The following ATAD1 variants were observed in gnomAD, a reference collection of about 807,000 sequenced individuals.
ATAD1 encodes the protein outer mitochondrial transmembrane helix translocase.
ATAD1 carries 18 observed loss-of-function variants against 42.7 expected under a neutral mutation model. The ratio of observed to expected loss-of-function variants is 0.42; its 90% CI spans 0.29 to 0.63. ATAD1 has a LOEUF of 0.63. Among genes scored for constraint, ATAD1 ranks in the 20% least tolerant of loss-of-function variants. The probability of loss-of-function intolerance (pLI) is 0.19; values close to 1 mark genes in which losing one functional copy is unlikely to be tolerated. For synonymous variants in ATAD1, 132 were observed against 143.1 expected (o/e 0.92, Z 0.55); for missense variants, 294 against 440.4 (o/e 0.67, Z 2.98).
At chr10:87,836,833 C>T (rs1470606244) in intron 1 of ATAD1, among the ~76,000 whole-genome samples, 1 of 152,156 alleles carries the variant, frequency 6.6e-6, no homozygotes, top group African/African-American at 2.4e-5. Flanking sequence ...TTGGTGGTGT[C>T]CCACCAGTCC....
chr10:87,816,600 G>C (rs1214674795), intron 1 of ATAD1, among the ~76,000 whole-genome samples: 1 of 152,054 alleles, frequency 6.6e-6, no homozygotes, highest in Non-Finnish European at 1.5e-5. Flanking sequence ...CCAAAAAGGA[G>C]AAGGCACCTA....
intron 2 of ATAD1, among the ~76,000 whole-genome samples, chr10:87,800,199 C>G (rs1239860759): frequency 1.3e-5 from 2 of 151,842 alleles, no homozygotes; most frequent in Non-Finnish European, 2.9e-5. Flanking sequence ...TATATATACA[C>G]ACACACTAAA....
chr10:87,814,828 A>G, intron 1 of ATAD1: 1 of 298,764 alleles, frequency 3.3e-6, no homozygotes, highest in South Asian at 1.0e-4. Flanking sequence ...CTAGAAGTAG[A>G]CTAGAAATTA....
chr10:87,819,288 A>AAAAAG (rs1481326025), upstream of ATAD1: 1 of 150,662 alleles, frequency 6.6e-6, no homozygotes, highest in Non-Finnish European at 1.5e-5. Flanking sequence ...AAAAAAAAAA[A>AAAAAG]AAACCACCTA....
intron 1 of ATAD1, among the ~76,000 whole-genome samples, chr10:87,831,509 T>C (rs537794499): frequency 1.3e-5 from 2 of 152,306 alleles, no homozygotes; most frequent in Admixed American, 1.3e-4. Flanking sequence ...CAATTTAGGA[T>C]CAAACTATCT....
intron 1 of ATAD1, among the ~76,000 whole-genome samples, chr10:87,824,350 G>A (rs1400204383): frequency 1.3e-5 from 2 of 152,126 alleles, no homozygotes; most frequent in East Asian, 1.9e-4. Context: ...TAGTCCAATC[G>A]GGGAGTCTTG....
intron 7 of ATAD1, 73 bp downstream of exon 7, chr10:87,770,879 C>A: frequency 7.3e-7 from 1 of 1,369,090 alleles, no homozygotes; most frequent in South Asian, 1.3e-5. Context: ...ATATTCCCTT[C>A]TTAAAATTAA....
At chr10:87,765,522 G>A (rs11812787) in intron 8 of ATAD1, among the ~76,000 whole-genome samples, 44,847 of 150,080 alleles carry the variant, frequency 0.3, 6,936 homozygotes, top group Non-Finnish European at 0.32. Flanking sequence ...CAATAAAATC[G>A]GAAGACAACT....
chr10:87,753,219 ATCC>A lies in ATAD1; in HGVS notation c.*1465_*1467del, dbSNP rs908715456. 4.6e-5 allele frequency: 7 copies of A among 152,118 alleles called. No homozygotes were observed. The highest frequency in any genetic ancestry group is 7.4e-5 in the Non-Finnish European group (5 of 67,990). 9.4% of individuals were successfully genotyped at this position (152,118 alleles called of 1,614,324 possible). A position where few individuals can be genotyped will look rare whatever the true frequency, so the allele number is the denominator to read the frequency against. ...TTGGTATCTTGTATTCAGTTTTTCC[ATCC>A]TCTTCACAATCTTCCATAACTTGCT... On this transcript the variant is annotated 3_prime_UTR_variant, in exon 10 of 10. Coordinates refer to ENST00000680024, the MANE Select transcript of ATAD1 (RefSeq NM_001321967.2).
At chr10:87,779,108 G>A (rs1015263893) in intron 5 of ATAD1, among the ~76,000 whole-genome samples, 1 of 152,106 alleles carries the variant, frequency 6.6e-6, no homozygotes, top group Non-Finnish European at 1.5e-5. Flanking sequence ...AGACCAGCCT[G>A]ACCAACATGG....
At position 87,768,722 on chromosome 10, in the gene ATAD1, A is replaced by C. The variant is rs966260221; in HGVS notation, c.781-999T>G. On this transcript the variant is annotated intron_variant, in intron 7 of 9. Transcript: ENST00000680024. The stretch of plus-strand genomic sequence containing the variant: ...TTTTGATTACTCACACGACATATTA[A>C]ATTTACAACTTTAATTGTGGCTACT... Among the ~76,000 whole-genome samples, 8 of 152,232 alleles carry C rather than the reference A, an allele frequency of 5.3e-5. No homozygotes were observed. The East Asian group carries it at 1.3e-3, about 26-fold the overall frequency.
chr10:87,817,989 G>C, intron 1 of ATAD1, 178 bp downstream of exon 1: 2 of 985,714 alleles, frequency 2.0e-6, no homozygotes, highest in Non-Finnish European at 2.4e-6. Flanking sequence ...CGCCCTTGGA[G>C]GTTAATCCTC....
In ATAD1 at chr10:87,818,174, C is replaced by G. The variant is rs113141122; in HGVS notation, c.-21G>C. 1,003 of 985,648 alleles carry G rather than the reference C, an allele frequency of 1.0e-3. 4 individuals carry two copies. The highest frequency in any genetic ancestry group is 8.5e-3 in the African/African-American group (487 of 57,362). 61.1% of individuals were successfully genotyped at this position (985,648 alleles called of 1,614,324 possible). A position where few individuals can be genotyped will look rare whatever the true frequency, so the allele number is the denominator to read the frequency against. On this transcript the variant is annotated 5_prime_UTR_variant, in exon 1 of 10. Coordinates refer to ENST00000680024, the MANE Select transcript of ATAD1 (RefSeq NM_001321967.2). ...CGGGAACCAGCTACTCACCCAGGGG[C>G]AGAAACAGCAAGAGCAAGTGCCCTC...
Position 87,767,658 on chromosome 10 carries a change from T to A in ATAD1, c.831+15A>T, listed in dbSNP as rs1854824740. The A allele has an allele frequency of 1.2e-6, 2 of 1,604,258 alleles. No homozygotes were observed. Among genetic ancestry groups the A allele is most frequent in the Non-Finnish European group, 1.7e-6 (2 of 1,174,496 alleles). ...GATTTATAGGACGGGGAAAAAATTT[T>A]TATTTTCTACTTACATTTTCATTTT... On this transcript the variant is annotated intron_variant, in intron 8 of 9. Coordinates refer to ENST00000680024, the MANE Select transcript of ATAD1 (RefSeq NM_001321967.2).
At chr10:87,831,253 C>G (rs913170291) in intron 1 of ATAD1, among the ~76,000 whole-genome samples, 2 of 149,950 alleles carry the variant, frequency 1.3e-5, no homozygotes, top group Non-Finnish European at 3.0e-5. Flanking sequence ...CTTATTTAAA[C>G]ATTCTGGTGA....
chr10:87,792,622 C>CAAAAAAAAAAATAAAAAAGATTAAAAA, intron 3 of ATAD1, 35 bp downstream of exon 3: 1 of 1,355,216 alleles, frequency 7.4e-7, no homozygotes, highest in Non-Finnish European at 1.1e-6. Flanking sequence ...ACCCCCACCT[C>CAAAAAAAAAAATAAAAAAGATTAAAAA]TAAAAAAATC....
Position 87,754,776 on chromosome 10 carries a change from G to A in ATAD1, c.997C>T (p.Gln333Ter). ...TCAATTGCCCGATGCAGGTCCTGCT[G>A]TTGAACAGGCCGAATTTCATCTTCG... Reference protein sequence around the residue: ...HDEDEIRPVQQQDLHRAIEKM... With the variant: ...HDEDEIRPVQ Residue 333 changes from glutamine (Q) to a stop codon, truncating the protein, a stop_gained, in exon 10 of 10, where the codon CAG (glutamine) becomes TAG (stop). Transcript: ENST00000680024. LOFTEE classifies it high-confidence loss of function. 6.2e-7 allele frequency: 1 copy of A among 1,613,532 alleles called. No individual in the cohort carries two copies. Among genetic ancestry groups the A allele is most frequent in the Non-Finnish European group, 8.5e-7 (1 of 1,179,638 alleles).
intron 4 of ATAD1, among the ~76,000 whole-genome samples, chr10:87,784,990 C>T (rs1410861505): frequency 1.3e-5 from 2 of 152,168 alleles, no homozygotes; most frequent in African/African-American, 2.4e-5. Context: ...ATCTAAGGCC[C>T]TCCACCTTCA....
intron 1 of ATAD1, among the ~76,000 whole-genome samples, chr10:87,828,364 T>A (rs1484580105): frequency 6.6e-6 from 1 of 152,216 alleles, no homozygotes; most frequent in Non-Finnish European, 1.5e-5. Flanking sequence ...AAGTTTTAGA[T>A]GGTCTGGGTA....
Sources: allele counts gnomAD v4.1 joint callset (sites outside exome capture counted in the v4.1 genomes callset), GRCh38; gene constraint gnomAD v4.1.1; transcripts MANE v1.5; gene names NCBI Gene and HGNC (gene_info 2026-07-23, HGNC 2026-07-21).